The following L3MBTL4 variants were observed in gnomAD, a reference collection of about 807,000 sequenced individuals.
L3MBTL4 encodes the protein lethal(3)malignant brain tumor-like protein 4.
Under a neutral mutation model 84.5 loss-of-function variants are expected in L3MBTL4, and 70 were observed. The observed-to-expected ratio is 0.83, with a 90% CI of 0.68 to 1.01. L3MBTL4 has a LOEUF of 1.01. Among genes scored for constraint, L3MBTL4 ranks in the 50% least tolerant of loss-of-function variants. The pLI, the probability that L3MBTL4 is intolerant of heterozygous loss-of-function variation, is 0.00. For missense variants in L3MBTL4, 715 were observed against 754.8 expected (o/e 0.95, Z 0.62); for synonymous variants, 274 against 259.8 (o/e 1.05, Z -0.52).
intron 16 of L3MBTL4, among the ~76,000 whole-genome samples, chr18:6,037,802 A>G (rs1371907030): frequency 6.6e-6 from 1 of 152,250 alleles, no homozygotes; most frequent in African/African-American, 2.4e-5. Flanking sequence ...GTCCTTCTGC[A>G]TAATGACATT....
chr18:6,029,839 G>A (rs997706448), intron 16 of L3MBTL4: 28 of 985,180 alleles, frequency 2.8e-5, no homozygotes, highest in African/African-American at 5.2e-5. Flanking sequence ...AGGAAATGCC[G>A]AAAAGGATTA....
rs2047290153 is a variant in L3MBTL4, at chr18:6,238,052, G to A, written c.708-12C>T. 1 of 1,612,802 alleles carries A rather than the reference G, an allele frequency of 6.2e-7. No homozygotes were observed. The highest frequency in any genetic ancestry group is 1.3e-5 in the African/African-American group (1 of 74,892). On this transcript the variant is annotated splice_polypyrimidine_tract_variant and intron_variant, in intron 9 of 18. Transcript: ENST00000317931. ...TATTAACATCGCACCTGCAAAAACA[G>A]AGCTCTATATTACGTTCCGTTTTAC...
At chr18:6,114,232 T>C (rs9966104) in intron 14 of L3MBTL4, among the ~76,000 whole-genome samples, 63,845 of 152,106 alleles carry the variant, frequency 0.42, 15,934 homozygotes, top group African/African-American at 0.69. Flanking sequence ...AGAGCAGGGC[T>C]GGGCCTCCCC....
At chr18:6,154,073 T>G (rs1034646051) in intron 13 of L3MBTL4, among the ~76,000 whole-genome samples, 1 of 152,178 alleles carries the variant, frequency 6.6e-6, no homozygotes, top group South Asian at 2.1e-4. Context: ...CTAATTACTA[T>G]GGCTTGGATT....
intron 17 of L3MBTL4, among the ~76,000 whole-genome samples, chr18:5,962,442 A>T (rs1466598683): frequency 6.6e-6 from 1 of 152,152 alleles, no homozygotes; most frequent in Non-Finnish European, 1.5e-5. Context: ...TGAGGAGTAG[A>T]CAGGGAGTGG....
At chr18:5,978,208 G>T (rs1026947651) in intron 16 of L3MBTL4, among the ~76,000 whole-genome samples, 31 of 152,290 alleles carry the variant, frequency 2.0e-4, no homozygotes, top group Non-Finnish European at 3.4e-4. Context: ...AAAAGGCTGG[G>T]AGTTGTTTGT....
intron 16 of L3MBTL4, among the ~76,000 whole-genome samples, chr18:5,990,871 T>C (rs149261857): frequency 2.0e-5 from 3 of 152,014 alleles, no homozygotes; most frequent in African/African-American, 7.2e-5. Context: ...CAGTAAGGGA[T>C]GGTCGTGAAG....
intron 1 of L3MBTL4, among the ~76,000 whole-genome samples, chr18:6,371,330 G>A (rs922990841): frequency 2.0e-5 from 3 of 152,212 alleles, no homozygotes; most frequent in African/African-American, 7.2e-5. Flanking sequence ...ACAGAGCGGA[G>A]TTCTGGAAAT....
intron 16 of L3MBTL4, among the ~76,000 whole-genome samples, chr18:5,989,350 A>C (rs1404919387): frequency 6.6e-6 from 1 of 152,196 alleles, no homozygotes; most frequent in Non-Finnish European, 1.5e-5. Context: ...AAAAGGCATA[A>C]ATAAAAAAAT....
intron 1 of L3MBTL4, among the ~76,000 whole-genome samples, chr18:6,401,081 G>A (rs776649626): frequency 2.6e-5 from 4 of 152,036 alleles, no homozygotes; most frequent in Non-Finnish European, 5.9e-5. Context: ...ATAAAACCAC[G>A]TGCCCTACCC....
chr18:6,226,920 G>A (rs575506938), intron 10 of L3MBTL4, among the ~76,000 whole-genome samples: 11 of 151,774 alleles, frequency 7.2e-5, no homozygotes, highest in Non-Finnish European at 1.0e-4. Flanking sequence ...CATATTTTTG[G>A]AAACCCACTT....
At chr18:5,963,175 T>A (rs2052149625) in intron 17 of L3MBTL4, among the ~76,000 whole-genome samples, 1 of 152,252 alleles carries the variant, frequency 6.6e-6, no homozygotes, top group Non-Finnish European at 1.5e-5. Context: ...GCTTCCCCAC[T>A]GGTAGGGAAA....
intron 9 of L3MBTL4, among the ~76,000 whole-genome samples, chr18:6,239,398 A>G (rs1401282997): frequency 6.6e-6 from 1 of 152,102 alleles, no homozygotes; most frequent in Non-Finnish European, 1.5e-5. Context: ...AGACAAAAAA[A>G]AAAAAATGCT....
At chr18:6,133,638 G>C (rs2059943229) in intron 14 of L3MBTL4, among the ~76,000 whole-genome samples, 1 of 152,162 alleles carries the variant, frequency 6.6e-6, no homozygotes, top group Non-Finnish European at 1.5e-5. Flanking sequence ...CATGAGCAGG[G>C]CGGGAAAGGC....
chr18:6,344,636 C>T (rs1032377040), intron 1 of L3MBTL4, among the ~76,000 whole-genome samples: 1 of 152,082 alleles, frequency 6.6e-6, no homozygotes, highest in East Asian at 1.9e-4. Context: ...CAAAAATACT[C>T]AACAAAATAC....
At position 6,317,464 on chromosome 18, in the gene L3MBTL4, G is replaced by A. The variant is rs141050326; in HGVS notation, c.-90-5408C>T. 2.8e-3 allele frequency among the ~76,000 whole-genome samples: 430 copies of A among 152,114 alleles called. 2 individuals are homozygous for A. The highest frequency in any genetic ancestry group is 9.8e-3 in the African/African-American group (406 of 41,506). ...ACACTTAGGGAGTTTAAAAATGCAT[G>A]GGAAACTTTAACAACAGACCTGATC... On this transcript the variant is annotated intron_variant, in intron 1 of 18. Transcript: ENST00000317931.
chr18:5,967,416 C>A (rs533720050), intron 17 of L3MBTL4, among the ~76,000 whole-genome samples: 15 of 152,260 alleles, frequency 9.9e-5, no homozygotes, highest in Non-Finnish European at 2.2e-4. Flanking sequence ...GCGTGGTGCA[C>A]GTCTGCCATC....
chr18:6,267,731 C>T (rs1415766690), intron 4 of L3MBTL4, among the ~76,000 whole-genome samples: 3 of 152,166 alleles, frequency 2.0e-5, no homozygotes, highest in South Asian at 2.1e-4. Flanking sequence ...TTTATGATCA[C>T]ATATGTACCA....
chr18:6,296,252 T>G (rs1167284754), intron 4 of L3MBTL4, among the ~76,000 whole-genome samples: 1 of 152,198 alleles, frequency 6.6e-6, no homozygotes, highest in Non-Finnish European at 1.5e-5. Context: ...TACTCCCTGA[T>G]AATAAGTTAA....
Sources: gnomAD v4.1 joint callset for allele counts (sites outside exome capture counted in the v4.1 genomes callset) on GRCh38, gnomAD v4.1.1 for gene constraint, MANE v1.5 for transcripts, NCBI Gene and HGNC (gene_info 2026-07-23, HGNC 2026-07-21) for gene names.